Variants in CAST observed in about 807,000 individuals in gnomAD.
CAST encodes calpastatin.
A neutral mutation model predicts 119.6 loss-of-function variants in CAST; 76 were observed. That is an observed-to-expected ratio of 0.64 (90% CI 0.53 to 0.77). CAST has a LOEUF of 0.77. Ranked by LOEUF, CAST falls within the 30% of genes least tolerant of loss-of-function variation. The probability of loss-of-function intolerance (pLI) is 0.00; values close to 1 mark genes in which losing one functional copy is unlikely to be tolerated. For missense variants in CAST, 953 were observed against 946.5 expected (o/e 1.01, Z -0.09); for synonymous variants, 319 against 331.6 (o/e 0.96, Z 0.41).
the CAST span, among the ~76,000 whole-genome samples, chr5:96,339,337 C>T: frequency 6.6e-6 from 1 of 152,114 alleles, no homozygotes; most frequent in African/African-American, 2.4e-5. Context: ...AAAAGCAAAA[C>T]GTTTCTCACT....
chr5:96,637,884 T>A (rs557016699), intron 1 of CAST, among the ~76,000 whole-genome samples: 1 of 152,332 alleles, frequency 6.6e-6, no homozygotes, highest in East Asian at 1.9e-4. Flanking sequence ...GATACTGTGT[T>A]CATAGTGCAA....
the CAST span, among the ~76,000 whole-genome samples, chr5:95,971,352 G>A: frequency 6.6e-6 from 1 of 152,150 alleles, no homozygotes; most frequent in Non-Finnish European, 1.5e-5. Context: ...CAGAAGCATG[G>A]CATTGGAAAT....
the CAST span, among the ~76,000 whole-genome samples, chr5:96,200,675 C>A: frequency 6.6e-6 from 1 of 152,228 alleles, no homozygotes; most frequent in African/African-American, 2.4e-5. Flanking sequence ...ATGCTCAACT[C>A]TGGAATCTAA....
the CAST span, among the ~76,000 whole-genome samples, chr5:96,050,871 G>C: frequency 6.6e-6 from 1 of 152,114 alleles, no homozygotes; most frequent in South Asian, 2.1e-4. Context: ...TGTGGGTCCA[G>C]GGGCACTCCT....
the CAST span, chr5:95,973,559 G>T: frequency 6.6e-6 from 1 of 152,060 alleles, no homozygotes; most frequent in African/African-American, 2.4e-5. Flanking sequence ...TGGCATTTGG[G>T]TTAGTACTAT....
At chr5:96,501,359 AAAAAT>A in the CAST span, among the ~76,000 whole-genome samples, 1 of 152,216 alleles carries the variant, frequency 6.6e-6, no homozygotes, top group African/African-American at 2.4e-5. Context: ...GACATACCTA[AAAAAT>A]AAAACAGGCA....
At chr5:96,573,502 G>A (rs1404661479) in intron 1 of CAST, among the ~76,000 whole-genome samples, 1 of 152,056 alleles carries the variant, frequency 6.6e-6, no homozygotes, top group East Asian at 1.9e-4. Flanking sequence ...TAGCTAGTGT[G>A]ATCGTGCATG....
chr5:95,991,819 A>G, the CAST span, among the ~76,000 whole-genome samples: 6,450 of 152,104 alleles, frequency 0.042, 228 homozygotes, highest in African/African-American at 0.087. Flanking sequence ...AATATATTTT[A>G]TATTTCAAAA....
chr5:96,384,199 C>T, the CAST span, among the ~76,000 whole-genome samples: 2 of 152,060 alleles, frequency 1.3e-5, no homozygotes, highest in East Asian at 1.9e-4. Context: ...TCCTTTCATG[C>T]GTAGGAAATT....
intron 4 of CAST, among the ~76,000 whole-genome samples, chr5:96,723,171 C>G (rs539548064): frequency 1.3e-5 from 2 of 152,168 alleles, no homozygotes; most frequent in South Asian, 4.2e-4. Flanking sequence ...CACTGTGTTG[C>G]CCAAGCTGGT....
the CAST span, among the ~76,000 whole-genome samples, chr5:96,293,099 G>C: frequency 2.5e-4 from 38 of 152,302 alleles, no homozygotes; most frequent in African/African-American, 8.2e-4. Flanking sequence ...CACAATTCCA[G>C]TGGCCTCCAT....
the CAST span, among the ~76,000 whole-genome samples, chr5:96,319,918 G>A: frequency 6.6e-6 from 1 of 151,396 alleles, no homozygotes; most frequent in Admixed American, 6.6e-5. Flanking sequence ...CCAGTGAGGA[G>A]CCTAGTTAGA....
chr5:96,189,367 T>C, the CAST span, among the ~76,000 whole-genome samples: 1 of 152,196 alleles, frequency 6.6e-6, no homozygotes, highest in Non-Finnish European at 1.5e-5. Context: ...GCTGGGGATA[T>C]ACTTCCTGGT....
the CAST span, among the ~76,000 whole-genome samples, chr5:96,476,664 T>G: frequency 6.6e-6 from 1 of 152,216 alleles, no homozygotes; most frequent in African/African-American, 2.4e-5. Flanking sequence ...TTCTCTATAC[T>G]TAGCCTGAAA....
chr5:96,219,846 G>T, the CAST span, among the ~76,000 whole-genome samples: 182 of 152,224 alleles, frequency 1.2e-3, 1 homozygote, highest in Middle Eastern at 0.014. Context: ...TAGGTGGTTG[G>T]CATGTTTAAT....
the CAST span, among the ~76,000 whole-genome samples, chr5:96,042,150 A>G: frequency 6.6e-6 from 1 of 152,166 alleles, no homozygotes; most frequent in African/African-American, 2.4e-5. Flanking sequence ...AAAGAAGCCA[A>G]CAAAATCAGG....
upstream of CAST, among the ~76,000 whole-genome samples, chr5:96,660,630 G>A (rs1257570414): frequency 6.6e-6 from 1 of 152,146 alleles, no homozygotes; most frequent in Non-Finnish European, 1.5e-5. Flanking sequence ...TCTGGGATAT[G>A]TAGGCTCCCC....
the CAST span, among the ~76,000 whole-genome samples, chr5:96,338,665 T>A: frequency 5.9e-5 from 9 of 152,202 alleles, no homozygotes; most frequent in Non-Finnish European, 1.3e-4. Flanking sequence ...TATATTATAT[T>A]TCTCTTTCTG....
intron 1 of CAST, among the ~76,000 whole-genome samples, chr5:96,560,657 A>G (rs1746341155): frequency 6.6e-6 from 1 of 152,200 alleles, no homozygotes; most frequent in Non-Finnish European, 1.5e-5. Flanking sequence ...ATGAGATACC[A>G]TCTCACACCA....
Sources: gnomAD v4.1 joint callset for allele counts (sites outside exome capture counted in the v4.1 genomes callset) on GRCh38, gnomAD v4.1.1 for gene constraint, MANE v1.5 for transcripts, NCBI Gene and HGNC (gene_info 2026-07-23, HGNC 2026-07-21) for gene names.